The following LRRC36 variants were observed in gnomAD, a reference collection of about 807,000 sequenced individuals.
LRRC36 encodes the protein leucine rich repeat containing 36, also known as leucine-rich repeat-containing protein 36.
LRRC36 carries 62 observed loss-of-function variants against 81.1 expected under a neutral mutation model. That is an observed-to-expected ratio of 0.76 (90% confidence interval 0.62 to 0.94). LRRC36 has a LOEUF of 0.94. Among genes scored for constraint, LRRC36 ranks in the 40% least tolerant of loss-of-function variants. The pLI is 0.00. For missense variants in LRRC36, 761 were observed against 881.7 expected, an observed-to-expected ratio of 0.86 and a Z score of 1.73; for synonymous variants, 334 against 348.6, an observed-to-expected ratio of 0.96 and a Z score of 0.47.
At chr16:67,360,781 G>A (rs1480226857) in intron 5 of LRRC36, among the ~76,000 whole-genome samples, 3 of 152,184 alleles carry the variant, frequency 2.0e-5, no homozygotes, top group African/African-American at 7.2e-5. Context: ...ACTCTCAGTT[G>A]CACTGGCTTG....
intron 2 of LRRC36, 50 bp from the exon 3 acceptor site, chr16:67,346,206 T>G: frequency 8.6e-7 from 1 of 1,166,432 alleles, no homozygotes; most frequent in Non-Finnish European, 1.2e-6. Flanking sequence ...TCTATGAGGT[T>G]CCTAGTCTTT....
chr16:67,333,612 C>T (rs1174391750), intron 1 of LRRC36, among the ~76,000 whole-genome samples: 1 of 152,096 alleles, frequency 6.6e-6, no homozygotes, highest in African/African-American at 2.4e-5. Context: ...GTGGATTTGC[C>T]TCTTCTGGGT....
chr16:67,346,982 C>T (rs2038381161), intron 3 of LRRC36, among the ~76,000 whole-genome samples: 1 of 152,188 alleles, frequency 6.6e-6, no homozygotes. Context: ...TCAAGCAATT[C>T]TCACATCTCA....
intron 8 of LRRC36, among the ~76,000 whole-genome samples, chr16:67,368,519 C>G (rs1195654257): frequency 6.6e-6 from 1 of 152,194 alleles, no homozygotes; most frequent in Non-Finnish European, 1.5e-5. Context: ...CTGGAACATA[C>G]TTTTCATGTA....
In LRRC36 at chr16:67,371,193, T is replaced by C. The variant is rs2039622190; in HGVS notation, c.1445T>C (p.Leu482Pro). 6.2e-7 allele frequency: 1 copy of C among 1,614,212 alleles called. No individual in the cohort carries two copies. The highest frequency in any genetic ancestry group is 1.3e-5 in the African/African-American group (1 of 75,052). ...GGATTCAAATGGAAGGACAATATCCTTGCCAACCTGAATCTAAAGCATGGT... is the reference window on the plus strand; with the variant it reads ...GGATTCAAATGGAAGGACAATATCCCTGCCAACCTGAATCTAAAGCATGGT... ...KRGFKWKDNI[L>P]ANLNLKHGFQ... Residue 482 changes from leucine (L) to proline (P), a missense_variant, in exon 9 of 14, where the codon CTT (leucine) becomes CCT (proline). Coordinates refer to ENST00000329956, the MANE Select transcript of LRRC36 (RefSeq NM_018296.6).
rs538701948 is a variant in LRRC36, at chr16:67,350,965, G to A, written c.577+675G>A. Among the ~76,000 whole-genome samples, 7 of 152,272 alleles carry A rather than the reference G, an allele frequency of 4.6e-5. No individual in the cohort carries two copies. The East Asian group carries it at 1.4e-3, about 29-fold the overall frequency. ...AGGCAGGAGAATCACTTGAACCTGG[G>A]AGGCAGAGGTTGTGGTGAGCCGAGA... On this transcript the variant is annotated intron_variant, in intron 5 of 13. Coordinates refer to ENST00000329956, the MANE Select transcript of LRRC36 (RefSeq NM_018296.6).
In LRRC36 at chr16:67,367,345, C is replaced by T; in HGVS notation, c.1083C>T (p.Ser361=). The T allele has an allele frequency of 6.2e-7, 1 of 1,614,048 alleles. No individual in the cohort carries two copies. The highest frequency in any genetic ancestry group is 8.5e-7 in the Non-Finnish European group (1 of 1,179,962). ...PQRSKNYQEY[S]IKPSNDIKTT... ...GAAGCAAGAACTATCAAGAGTATAG[C>T]ATAAAGCCTTCAAATGACATAAAGA... is the stretch of plus-strand genomic sequence containing the variant. Residue 361 remains serine (S), a synonymous_variant, in exon 8 of 14, where the codon AGC becomes AGT. Coordinates refer to ENST00000329956, the MANE Select transcript of LRRC36 (RefSeq NM_018296.6).
chr16:67,327,193 A>C, intron 1 of LRRC36: 2 of 390,664 alleles, frequency 5.1e-6, no homozygotes, highest in Admixed American at 4.7e-5. Flanking sequence ...GGAAGGAGAA[A>C]CAAGGTTAAC....
intron 1 of LRRC36, among the ~76,000 whole-genome samples, chr16:67,335,071 C>G (rs1431642314): frequency 6.6e-6 from 1 of 152,160 alleles, no homozygotes; most frequent in Non-Finnish European, 1.5e-5. Flanking sequence ...AAGTTTCAGG[C>G]ACGCATTGTC....
chr16:67,361,512 G>A (rs1451704485), intron 5 of LRRC36, among the ~76,000 whole-genome samples: 1 of 151,986 alleles, frequency 6.6e-6, no homozygotes, highest in Non-Finnish European at 1.5e-5. Flanking sequence ...TCACTTTTTT[G>A]TGAATATATG....
intron 9 of LRRC36, among the ~76,000 whole-genome samples, chr16:67,374,461 C>G (rs1292471381): frequency 1.3e-5 from 2 of 152,082 alleles, no homozygotes; most frequent in East Asian, 3.9e-4. Context: ...GTGGCACGAT[C>G]TCGGCTCACT....
At chr16:67,339,552 T>C (rs1381673536) in intron 1 of LRRC36, among the ~76,000 whole-genome samples, 1 of 152,244 alleles carries the variant, frequency 6.6e-6, no homozygotes, top group African/African-American at 2.4e-5. Context: ...ATAATCCTTT[T>C]CTGTGGCTCT....
At position 67,371,040 on chromosome 16, in the gene LRRC36, A is replaced by G. The variant is rs754340640; in HGVS notation, c.1292A>G (p.His431Arg). Residue 431 changes from histidine (H) to arginine (R), a missense_variant, in exon 9 of 14, where the codon CAT becomes CGT. Around this residue, in one of 3 missense-constraint regions of LRRC36, gnomAD observed 359 missense variants for 388.4 expected, o/e 0.92. Coordinates refer to ENST00000329956, the MANE Select transcript of LRRC36 (RefSeq NM_018296.6). ...AGCCTGGATGATTTAACACCAGCAC[A>G]TGGTTCTGTCCCAAACAACGCTGTC... ...STSLDDLTPA[H>R]GSVPNNAVLG... The G allele has an allele frequency of 3.7e-6, 6 of 1,614,054 alleles. No homozygotes were observed. Among genetic ancestry groups the G allele is most frequent in the Middle Eastern group, 1.6e-4 (1 of 6,084 alleles).
At chr16:67,343,468 G>C (rs2038188557) in intron 2 of LRRC36, among the ~76,000 whole-genome samples, 1 of 152,030 alleles carries the variant, frequency 6.6e-6, no homozygotes, top group African/African-American at 2.4e-5. Flanking sequence ...AGGCCAAGGT[G>C]GGTGGATCCC....
intron 2 of LRRC36, 62 bp from the exon 3 acceptor site, chr16:67,346,194 T>C: frequency 9.5e-7 from 1 of 1,048,722 alleles, no homozygotes; most frequent in African/African-American, 1.6e-5. Flanking sequence ...TTTCCATCTT[T>C]ATCTATGAGG....
intron 10 of LRRC36, among the ~76,000 whole-genome samples, chr16:67,376,257 G>A (rs954484956): frequency 6.6e-5 from 10 of 152,158 alleles, no homozygotes; most frequent in South Asian, 2.1e-4. Flanking sequence ...GCAGTGATCC[G>A]AGATCACACC....
chr16:67,368,132 C>T (rs972987330), intron 8 of LRRC36, among the ~76,000 whole-genome samples: 1 of 152,194 alleles, frequency 6.6e-6, no homozygotes, highest in Non-Finnish European at 1.5e-5. Context: ...CAACCAAACT[C>T]ATTGAACACC....
At chr16:67,382,453 AT>A (rs1430935035) in intron 13 of LRRC36, among the ~76,000 whole-genome samples, 1 of 152,152 alleles carries the variant, frequency 6.6e-6, no homozygotes, top group Non-Finnish European at 1.5e-5. Flanking sequence ...CTTTGTTGGC[AT>A]TGGTGGGTTG....
chr16:67,356,505 CTCAG>C (rs2038909549), intron 5 of LRRC36, among the ~76,000 whole-genome samples: 1 of 152,162 alleles, frequency 6.6e-6, no homozygotes, highest in South Asian at 2.1e-4. Context: ...AGTTAGCAAT[CTCAG>C]TCAGTGGAAA....
Sources: gnomAD v4.1 joint callset for allele counts (sites outside exome capture counted in the v4.1 genomes callset) on GRCh38, gnomAD v4.1.1 for gene constraint, gnomAD v4.1.1 regional missense constraint, MANE v1.5 for transcripts, NCBI Gene and HGNC (gene_info 2026-07-23, HGNC 2026-07-21) for gene names.